The following SLF1 variants were observed in gnomAD, a reference collection of about 807,000 sequenced individuals.
SLF1 encodes SMC5-SMC6 complex localization factor protein 1.
SLF1 carries 105 observed loss-of-function variants against 123.0 expected under a neutral mutation model. The ratio of observed to expected loss-of-function variants is 0.85; its 90% CI spans 0.73 to 1.00. The LOEUF (loss-of-function observed/expected upper bound fraction) is 1.00, where lower values mean the gene tolerates loss of function less well. Ranked by LOEUF, SLF1 falls within the 50% of genes least tolerant of loss-of-function variation. The probability of loss-of-function intolerance (pLI) is 0.00; values close to 1 mark genes in which losing one functional copy is unlikely to be tolerated. For synonymous variants in SLF1, 434 were observed against 406.6 expected (o/e 1.07, Z -0.81); for missense variants, 1,239 against 1,223.0 (o/e 1.01, Z -0.20).
rs114855966 is a variant in SLF1 at position 94,685,906 on chromosome 5, A to G, written c.1976-667A>G. 7.6e-3 allele frequency among the ~76,000 whole-genome samples: 1,149 copies of G among 151,478 alleles called. 21 individuals are homozygous for G. The highest frequency in any genetic ancestry group is 0.027 in the African/African-American group (1,097 of 41,334). ...CAAACTTCTGAGGAAGTCGTTATACATGCTCGTTTCATGTTTTTCTTCTTT... is the reference window on the plus strand; with the variant it reads ...CAAACTTCTGAGGAAGTCGTTATACGTGCTCGTTTCATGTTTTTCTTCTTT... On this transcript the variant is annotated intron_variant, in intron 15 of 20. Coordinates refer to ENST00000265140, the MANE Select transcript of SLF1 (RefSeq NM_032290.4).
At chr5:94,652,180 G>A (rs1487110375) in intron 7 of SLF1, among the ~76,000 whole-genome samples, 2 of 151,716 alleles carry the variant, frequency 1.3e-5, no homozygotes, top group Admixed American at 6.6e-5. Flanking sequence ...GCTAATTTTT[G>A]TAATTTTTTC....
At chr5:94,675,655 T>G (rs1418423226) in intron 14 of SLF1, among the ~76,000 whole-genome samples, 1 of 152,120 alleles carries the variant, frequency 6.6e-6, no homozygotes, top group Non-Finnish European at 1.5e-5. Flanking sequence ...AAAAACTTAC[T>G]ATTATGGCTA....
At chr5:94,642,925 T>C (rs1746606670) in intron 4 of SLF1, among the ~76,000 whole-genome samples, 1 of 152,094 alleles carries the variant, frequency 6.6e-6, no homozygotes, top group African/African-American at 2.4e-5. Context: ...TTCTTGGGAG[T>C]ACGTTACCTT....
chr5:94,643,702 A>G (rs1394821802), intron 5 of SLF1, among the ~76,000 whole-genome samples: 1 of 152,106 alleles, frequency 6.6e-6, no homozygotes, highest in Non-Finnish European at 1.5e-5. Flanking sequence ...ATATAGTATT[A>G]TATAGTATTG....
chr5:94,690,105 T>G (rs1752908178), intron 18 of SLF1, among the ~76,000 whole-genome samples: 2 of 152,198 alleles, frequency 1.3e-5, no homozygotes, highest in South Asian at 4.1e-4. Flanking sequence ...CTTTTGGTTC[T>G]AACTATACTG....
intron 14 of SLF1, among the ~76,000 whole-genome samples, chr5:94,675,809 A>G (rs1329674796): frequency 2.0e-5 from 3 of 152,000 alleles, no homozygotes; most frequent in African/African-American, 7.2e-5. Flanking sequence ...ATCAAGGTAA[A>G]TTTAATATTA....
intron 14 of SLF1, among the ~76,000 whole-genome samples, chr5:94,675,435 A>G (rs1220080011): frequency 6.6e-6 from 1 of 152,096 alleles, no homozygotes; most frequent in East Asian, 1.9e-4. Flanking sequence ...TTTTCCTTTG[A>G]TGATTTATTT....
At chr5:94,656,485 C>G (rs548560927) in intron 9 of SLF1, among the ~76,000 whole-genome samples, 5 of 152,080 alleles carry the variant, frequency 3.3e-5, no homozygotes, top group African/African-American at 1.2e-4. Flanking sequence ...GTTTTGGTAT[C>G]AGGGTAATGG....
At chr5:94,657,769 C>A (rs555940448) in intron 9 of SLF1, among the ~76,000 whole-genome samples, 1 of 151,958 alleles carries the variant, frequency 6.6e-6, no homozygotes, top group Non-Finnish European at 1.5e-5. Context: ...TATCTTCTTG[C>A]GGAATTGATC....
chr5:94,692,342 A>G, intron 20 of SLF1, 86 bp downstream of exon 20: 1 of 1,340,546 alleles, frequency 7.5e-7, no homozygotes, highest in East Asian at 2.4e-5. Flanking sequence ...TTTATGTTTA[A>G]AATCTGTAAG....
chr5:94,663,824 A>T lies in SLF1; in HGVS notation c.1284A>T (p.Glu428Asp). 6.4e-7 allele frequency: 1 copy of T among 1,550,908 alleles called. No individual in the cohort carries two copies. Among genetic ancestry groups the T allele is most frequent in the Non-Finnish European group, 8.7e-7 (1 of 1,146,676 alleles). Residue 428 changes from glutamate to aspartate, a missense_variant, in exon 11 of 21, where the codon GAA becomes GAT. Glu to Asp is a conservative substitution (Grantham distance 45). Transcript: ENST00000265140. ...ESLIEGHFFK[E>D]AIEELSTLQA... Reference sequence around the variant, plus strand: ...TCATAGAAGGACATTTTTTTAAAGAAGCAATTGAGGAACTTTCCACTTTGC... The same window carrying T: ...TCATAGAAGGACATTTTTTTAAAGATGCAATTGAGGAACTTTCCACTTTGC...
chr5:94,625,421 T>C (rs1760567982), intron 1 of SLF1, among the ~76,000 whole-genome samples: 1 of 152,042 alleles, frequency 6.6e-6, no homozygotes, highest in African/African-American at 2.4e-5. Context: ...TCTCGCTCTG[T>C]CACCCAGGCT....
intron 1 of SLF1, among the ~76,000 whole-genome samples, chr5:94,625,068 C>T (rs1054524462): frequency 1.1e-4 from 16 of 151,532 alleles, no homozygotes; most frequent in African/African-American, 3.6e-4. Context: ...TGGTGGGTGC[C>T]TGTAGTCCCA....
In SLF1 at chr5:94,695,334, G is replaced by A; in HGVS notation, c.*22G>A. 3 of 1,581,634 alleles carry A rather than the reference G, an allele frequency of 1.9e-6. No homozygotes were observed. The highest frequency in any genetic ancestry group is 2.6e-6 in the Non-Finnish European group (3 of 1,163,192). On this transcript the variant is annotated 3_prime_UTR_variant, in exon 21 of 21. Coordinates refer to ENST00000265140, the MANE Select transcript of SLF1 (RefSeq NM_032290.4). ...ATGATGATGCTAGAAAGTATGGATT[G>A]ACTTTCTAAATCTGTTCAGTTTGCA...
intron 14 of SLF1, among the ~76,000 whole-genome samples, chr5:94,674,053 G>A (rs571583632): frequency 4.6e-5 from 7 of 152,178 alleles, no homozygotes; most frequent in African/African-American, 1.7e-4. Flanking sequence ...ATTGAGTATA[G>A]CACTTTAAAG....
chr5:94,679,523 C>A (rs1255356738), intron 15 of SLF1, among the ~76,000 whole-genome samples: 1 of 151,918 alleles, frequency 6.6e-6, no homozygotes, highest in Admixed American at 6.6e-5. Context: ...GCCCAGGAGT[C>A]CAGGGCTGCA....
chr5:94,653,440 G>A lies in SLF1; in HGVS notation c.1032+19G>A. ...AGATCAGGTAAAGTTTGTAAGCTAA[G>A]CTATAGCTTTCTTTTTTATTTTTTG... On this transcript the variant is annotated intron_variant, in intron 8 of 20. Transcript: ENST00000265140. 6.8e-7 allele frequency: 1 copy of A among 1,470,520 alleles called. No homozygotes were observed. The highest frequency in any genetic ancestry group is 9.0e-7 in the Non-Finnish European group (1 of 1,116,880). The allele number at this position is 1,470,520 out of a possible 1,614,324, so 91.1% of individuals were successfully genotyped here.
intron 4 of SLF1, among the ~76,000 whole-genome samples, chr5:94,640,763 G>C (rs960937938): frequency 1.3e-5 from 2 of 152,078 alleles, no homozygotes; most frequent in African/African-American, 2.4e-5. Context: ...AGATGAGCTT[G>C]TCGAAGAAAT....
chr5:94,636,479 A>G (rs989239785), intron 4 of SLF1, among the ~76,000 whole-genome samples: 1 of 152,022 alleles, frequency 6.6e-6, no homozygotes, highest in Admixed American at 6.6e-5. Flanking sequence ...TGACTGGAAA[A>G]TTTCAAACGT....
Sources: gnomAD v4.1 joint callset for allele counts (sites outside exome capture counted in the v4.1 genomes callset) on GRCh38, gnomAD v4.1.1 for gene constraint, MANE v1.5 for transcripts, NCBI Gene and HGNC (gene_info 2026-07-23, HGNC 2026-07-21) for gene names.